The following EYA1 variants were observed in gnomAD, a reference collection of about 807,000 sequenced individuals.
EYA1 encodes protein phosphatase EYA1.
Under a neutral mutation model 82.0 loss-of-function variants are expected in EYA1, and 16 were observed. The ratio of observed to expected loss-of-function variants is 0.20; its 90% confidence interval spans 0.13 to 0.30. The LOEUF (loss-of-function observed/expected upper bound fraction) is 0.30. EYA1 is among the 10% of genes least tolerant of loss of function. The pLI, the probability that EYA1 is intolerant of heterozygous loss-of-function variation, is 1.00. For synonymous variants in EYA1, 261 were observed against 264.4 expected, an observed-to-expected ratio of 0.99 and a Z score of 0.12; for missense variants, 633 against 730.7, an observed-to-expected ratio of 0.87 and a Z score of 1.54.
At chr8:71,355,685 C>T (rs73294210) in intron 2 of EYA1, among the ~76,000 whole-genome samples, 7,821 of 152,236 alleles carry the variant, frequency 0.051, 639 homozygotes, top group African/African-American at 0.18. Context: ...GAAATAACAA[C>T]AATTCTACTT....
intron 2 of EYA1, among the ~76,000 whole-genome samples, chr8:71,448,612 A>G (rs960628155): frequency 2.0e-5 from 3 of 152,222 alleles, no homozygotes; most frequent in African/African-American, 4.8e-5. Flanking sequence ...AGAACAGTGA[A>G]TGCTGTCCAG....
At chr8:71,420,467 CT>C (rs1005626214) in intron 2 of EYA1, among the ~76,000 whole-genome samples, 9 of 152,062 alleles carry the variant, frequency 5.9e-5, no homozygotes, top group African/African-American at 2.2e-4. Context: ...ACACAGGAAG[CT>C]TTTTTTAAAA....
rs1202186544 is a variant in EYA1 at position 71,412,411 on chromosome 8, TAAAATAAAATAAAATA to T, written c.34-55916_34-55901del. On this transcript the variant is annotated intron_variant, in intron 2 of 18. Transcript: ENST00000643681. Reference sequence around the variant, plus strand: ...ATATAAAATAAAATAAAATAAAAAATAAAATAAAATAAAATAAAAAAAAGAAATTGTTGTTCATTTA... The same window carrying T: ...ATATAAAATAAAATAAAATAAAAAATAAAAAAAGAAATTGTTGTTCATTTA... Among the ~76,000 whole-genome samples, 9 of 62,056 alleles carry T rather than the reference TAAAATAAAATAAAATA, an allele frequency of 1.5e-4. No homozygotes were observed. The East Asian group carries it at 2.7e-3, about 18-fold the overall frequency. The allele number at this position is 62,056 out of a possible 152,430, so 40.7% of individuals were successfully genotyped here. A position where few individuals can be genotyped will look rare whatever the true frequency, so the allele number is the denominator to read the frequency against.
At chr8:71,450,567 T>C (rs1027682992) in intron 2 of EYA1, among the ~76,000 whole-genome samples, 2 of 152,172 alleles carry the variant, frequency 1.3e-5, no homozygotes, top group African/African-American at 2.4e-5. Flanking sequence ...ACAATAATTA[T>C]GAGAATGACT....
chr8:71,478,362 C>T (rs552727768), intron 2 of EYA1, among the ~76,000 whole-genome samples: 2 of 152,136 alleles, frequency 1.3e-5, no homozygotes, highest in South Asian at 2.1e-4. Flanking sequence ...AATCTATCAC[C>T]GACTCTGCAG....
chr8:71,402,960 A>C (rs1830034305), intron 2 of EYA1, among the ~76,000 whole-genome samples: 1 of 152,250 alleles, frequency 6.6e-6, no homozygotes, highest in African/African-American at 2.4e-5. Context: ...ATTAACTTCA[A>C]GCATAAATGA....
chr8:71,514,641 C>T (rs1411801308), intron 2 of EYA1, among the ~76,000 whole-genome samples: 1 of 152,106 alleles, frequency 6.6e-6, no homozygotes, highest in Non-Finnish European at 1.5e-5. Context: ...CCAATAAACC[C>T]ACCAGATCTT....
At chr8:71,498,902 C>T (rs1464562941) in intron 2 of EYA1, among the ~76,000 whole-genome samples, 3 of 152,270 alleles carry the variant, frequency 2.0e-5, no homozygotes, top group Non-Finnish European at 4.4e-5. Context: ...ACTATTAAGC[C>T]ATGAACTGCA....
Position 71,211,336 on chromosome 8 carries a change from T to C in EYA1, c.1598-80A>G, listed in dbSNP as rs1166095434. 5.5e-6 allele frequency: 5 copies of C among 911,976 alleles called. No homozygotes were observed. In the African/African-American group the frequency reaches 6.5e-5, roughly 12 times the overall value. 56.5% of individuals were successfully genotyped at this position (911,976 alleles called of 1,614,324 possible). A position where few individuals can be genotyped will look rare whatever the true frequency, so the allele number is the denominator to read the frequency against. ...CAGTGCTTGAACTTTTTATATAAAA[T>C]GCTTTCTTCATGCTCTGATTCGAAT... On this transcript the variant is annotated intron_variant, in intron 16 of 17. Coordinates refer to ENST00000340726, the MANE Select transcript of EYA1 (RefSeq NM_000503.6).
intron 6 of EYA1, among the ~76,000 whole-genome samples, chr8:71,319,343 G>T (rs1822275308): frequency 6.6e-6 from 1 of 151,974 alleles, no homozygotes; most frequent in African/African-American, 2.4e-5. Flanking sequence ...TGTTAGCCAG[G>T]ATGGTCTAGA....
At chr8:71,478,006 A>G (rs2129208412) in intron 2 of EYA1, among the ~76,000 whole-genome samples, 1 of 152,282 alleles carries the variant, frequency 6.6e-6, no homozygotes, top group South Asian at 2.1e-4. Flanking sequence ...AAAGTAGATG[A>G]GTGGTTGCCA....
At chr8:71,265,143 A>G (rs1424765984) in intron 11 of EYA1, among the ~76,000 whole-genome samples, 1 of 150,818 alleles carries the variant, frequency 6.6e-6, no homozygotes, top group Non-Finnish European at 1.5e-5. Context: ...ACTATGCAGG[A>G]ATTCAAGTTT....
Position 71,244,593 on chromosome 8 carries a change from T to C in EYA1, c.1140+10A>G. The C allele has an allele frequency of 7.0e-7, 1 of 1,438,172 alleles. No individual in the cohort carries two copies. The highest frequency in any genetic ancestry group is 9.7e-7 in the Non-Finnish European group (1 of 1,027,034). The allele number at this position is 1,438,172 out of a possible 1,614,324, so 89.1% of individuals were successfully genotyped here. ...ACATGCAAAAATATGTATTAAAAAT[T>C]AGAACTTACTTCTAAGTCATTAAAA... On this transcript the variant is annotated intron_variant, in intron 12 of 17. Coordinates refer to ENST00000340726, the MANE Select transcript of EYA1 (RefSeq NM_000503.6).
intron 12 of EYA1, among the ~76,000 whole-genome samples, chr8:71,220,283 A>C (rs910245288): frequency 1.3e-5 from 2 of 152,212 alleles, no homozygotes; most frequent in Non-Finnish European, 2.9e-5. Context: ...TATGTGATAG[A>C]CTTTTAAGGT....
upstream of EYA1, chr8:71,362,285 A>T (rs750319742): frequency 8.5e-5 from 31 of 362,886 alleles, no homozygotes; most frequent in African/African-American, 5.0e-4. Context: ...CTTGCTGTTT[A>T]AAAAAAAAAA....
At chr8:71,275,581 T>G (rs934616661) in intron 9 of EYA1, among the ~76,000 whole-genome samples, 2 of 152,088 alleles carry the variant, frequency 1.3e-5, no homozygotes, top group African/African-American at 4.8e-5. Context: ...GAAAGACAGG[T>G]GAGGTTTGAA....
At chr8:71,452,818 A>T (rs948920355) in intron 2 of EYA1, among the ~76,000 whole-genome samples, 1 of 152,192 alleles carries the variant, frequency 6.6e-6, no homozygotes, top group African/African-American at 2.4e-5. Flanking sequence ...AAAGATCGGG[A>T]AAAAAACAGA....
intron 2 of EYA1, among the ~76,000 whole-genome samples, chr8:71,466,715 T>G (rs80052957): frequency 0.065 from 9,910 of 152,190 alleles, 1,095 homozygotes; most frequent in African/African-American, 0.22. Flanking sequence ...AAATATGTTG[T>G]TGTTTTCTCA....
intron 1 of EYA1, among the ~76,000 whole-genome samples, chr8:71,360,726 A>C (rs1376242656): frequency 6.6e-6 from 1 of 152,278 alleles, no homozygotes; most frequent in Non-Finnish European, 1.5e-5. Context: ...TGAAAGACAC[A>C]TTATAAAAAC....
Sources: gnomAD v4.1 joint callset for allele counts (sites outside exome capture counted in the v4.1 genomes callset) on GRCh38, gnomAD v4.1.1 for gene constraint, MANE v1.5 for transcripts, NCBI Gene and HGNC (gene_info 2026-07-23, HGNC 2026-07-21) for gene names.